Variants in PEX11G observed in about 807,000 individuals in gnomAD.
The protein encoded by PEX11G is peroxisomal biogenesis factor 11 gamma.
In PEX11G, 20 loss-of-function variants were observed where a neutral mutation model predicts 22.5. The ratio of observed to expected loss-of-function variants is 0.89; its 90% CI spans 0.62 to 1.29. The LOEUF (loss-of-function observed/expected upper bound fraction) is 1.29, where lower values mean the gene tolerates loss of function less well. Among genes scored for constraint, PEX11G ranks in the 50% most tolerant of loss-of-function variants. The pLI is 0.00. For missense variants in PEX11G, 347 were observed against 331.3 expected (o/e 1.05, Z -0.37); for synonymous variants, 141 against 154.5 (o/e 0.91, Z 0.65).
At chr19:7,490,541 G>A (rs189762427), upstream of PEX11G, among the ~76,000 whole-genome samples, 24 of 138,802 alleles carry the variant, frequency 1.7e-4, no homozygotes, top group Admixed American at 1.5e-3. Context: ...GGGTTTCACC[G>A]TGTTAGCCAG....
chr19:7,483,788 AAC>A (rs1343565808), intron 2 of PEX11G, among the ~76,000 whole-genome samples: 1 of 151,918 alleles, frequency 6.6e-6, no homozygotes, highest in African/African-American at 2.4e-5. Flanking sequence ...GGACAGAGAG[AAC>A]AGACAGGGCA....
intron 2 of PEX11G, 93 bp downstream of exon 2, chr19:7,485,745 A>C: frequency 3.4e-6 from 4 of 1,181,956 alleles, no homozygotes; most frequent in Non-Finnish European, 4.7e-6. Context: ...CTGGGATTAC[A>C]AGCATGAGCC....
In PEX11G at chr19:7,486,015, C is replaced by A. The variant is rs2021636439; in HGVS notation, c.72G>T (p.Leu24=). The A allele has an allele frequency of 4.4e-6, 7 of 1,590,904 alleles. No homozygotes were observed. Among genetic ancestry groups the A allele is most frequent in the African/African-American group, 2.7e-5 (2 of 74,602 alleles). ...YRGRDRLIRV[L]GYCCQLVGGV... ...CACCAACCAGCTGGCAGCAGTACCCCAGCACTCGGATCTGTGGGAAACCAG... is the reference window on the plus strand; with the variant it reads ...CACCAACCAGCTGGCAGCAGTACCCAAGCACTCGGATCTGTGGGAAACCAG... Residue 24 remains leucine, a synonymous_variant, in exon 2 of 5, where the codon CTG becomes CTT. Coordinates refer to ENST00000221480, the MANE Select transcript of PEX11G (RefSeq NM_080662.4).
At chr19:7,486,124 G>T in intron 1 of PEX11G, 98 bp from the exon 2 acceptor site, 1 of 1,047,668 alleles carries the variant, frequency 9.5e-7, no homozygotes, top group Non-Finnish European at 1.3e-6. Context: ...GATTGAGAGT[G>T]TGGAAGATTC....
At chr19:7,490,181 G>A (rs894117433), upstream of PEX11G, among the ~76,000 whole-genome samples, 1 of 151,356 alleles carries the variant, frequency 6.6e-6, no homozygotes, top group African/African-American at 2.4e-5. Flanking sequence ...CCTTCGTCTT[G>A]TCACTTCTCC....
intron 3 of PEX11G, among the ~76,000 whole-genome samples, chr19:7,481,749 C>T (rs914415564): frequency 6.6e-6 from 1 of 152,210 alleles, no homozygotes; most frequent in Admixed American, 6.5e-5. Context: ...GCATCAGCGC[C>T]TGCTGACACT....
At chr19:7,480,585 G>A in intron 3 of PEX11G, among the ~76,000 whole-genome samples, 1 of 152,220 alleles carries the variant, frequency 6.6e-6, no homozygotes, top group East Asian at 1.9e-4. Context: ...TGGGAGTCTG[G>A]GTTGGATTGT....
At chr19:7,485,790 C>A (rs2021618652) in intron 2 of PEX11G, 48 bp downstream of exon 2, 1 of 1,466,208 alleles carries the variant, frequency 6.8e-7, no homozygotes, top group South Asian at 1.4e-5. Flanking sequence ...TAAAAAATGT[C>A]CACTCAGGTC....
Position 7,477,315 on chromosome 19 carries a change from A to G in PEX11G, c.613T>C (p.Trp205Arg). Residue 205 changes from tryptophan (W) to arginine (R), a missense_variant, in exon 5 of 5, where the codon TGG (tryptophan) becomes CGG (arginine). Trp to Arg is a moderately radical substitution (Grantham distance 101, BLOSUM62 -3). Coordinates refer to ENST00000221480, the MANE Select transcript of PEX11G (RefSeq NM_080662.4). ...AVHWLPRGVL[W>R]AGRFPPWLVG... ...AGCCACGGCGGGAAGCGGCCGGCCC[A>G]CAGCACGCCCCGGGGCAGCCAGTGC... The G allele has an allele frequency of 6.4e-7, 1 of 1,561,332 alleles. No individual in the cohort carries two copies.
upstream of PEX11G, among the ~76,000 whole-genome samples, chr19:7,493,553 G>A (rs1385002339): frequency 6.6e-6 from 1 of 151,968 alleles, no homozygotes; most frequent in Non-Finnish European, 1.5e-5. Flanking sequence ...TGCCCAGGCT[G>A]GAGTGCAGTG....
At chr19:7,487,387 A>G (rs1242281858) in intron 1 of PEX11G, among the ~76,000 whole-genome samples, 1 of 152,220 alleles carries the variant, frequency 6.6e-6, no homozygotes, top group Admixed American at 6.5e-5. Flanking sequence ...CCTACTCAGT[A>G]GGTGATGTGG....
At chr19:7,486,287 C>T (rs2021654055) in intron 1 of PEX11G, among the ~76,000 whole-genome samples, 1 of 152,046 alleles carries the variant, frequency 6.6e-6, no homozygotes, top group Admixed American at 6.6e-5. Context: ...CCACCACACC[C>T]TGCTAATTTT....
chr19:7,477,296 G>T lies in PEX11G; in HGVS notation c.632C>A (p.Pro211Gln). The change falls in exon 5 of 5, where the codon CCG becomes CAG. Residue 211 changes from proline (P) to glutamine (Q), a missense_variant. Physicochemically the swap from Pro to Gln is moderately conservative, Grantham distance 76 (BLOSUM62 -1). Transcript: ENST00000221480. ...RGVLWAGRFPPWLVGLMGTIS... is the reference protein window; with the variant it reads ...RGVLWAGRFPQWLVGLMGTIS... ...GGTGCCCATGAGGCCCACTAGCCACGGCGGGAAGCGGCCGGCCCACAGCAC... is the reference window on the plus strand; with the variant it reads ...GGTGCCCATGAGGCCCACTAGCCACTGCGGGAAGCGGCCGGCCCACAGCAC... 16 of 1,572,076 alleles carry T rather than the reference G, an allele frequency of 1.0e-5. No homozygotes were observed. The highest frequency in any genetic ancestry group is 1.4e-5 in the Non-Finnish European group (16 of 1,160,120).
Position 7,477,401 on chromosome 19 carries a change from G to C in PEX11G, c.527C>G (p.Ala176Gly), listed in dbSNP as rs747422959. 6.6e-7 allele frequency: 1 copy of C among 1,509,966 alleles called. No individual in the cohort carries two copies. The highest frequency in any genetic ancestry group is 1.4e-5 in the African/African-American group (1 of 71,010). 93.5% of individuals were successfully genotyped at this position (1,509,966 alleles called of 1,614,324 possible). The stretch of plus-strand genomic sequence containing the variant: ...TGACAGCGCCTCCGACTGCATCTGC[G>C]CCTCCATGGCCCTCCGCTTGCCCCG... ...LPRGKRRAME[A>G]QMQSEALSLL... The change falls in exon 5 of 5, where the codon GCG (alanine) becomes GGG (glycine). Residue 176 changes from alanine (A) to glycine (G), a missense_variant. Coordinates refer to ENST00000221480, the MANE Select transcript of PEX11G (RefSeq NM_080662.4).
intron 1 of PEX11G, 75 bp downstream of exon 1, chr19:7,488,876 T>C (rs2021785197): frequency 2.0e-6 from 3 of 1,484,688 alleles, no homozygotes; most frequent in Non-Finnish European, 2.7e-6. Flanking sequence ...CCCCGTCCCC[T>C]CTCTGGCCCG....
chr19:7,483,044 G>A (rs1211340831), intron 2 of PEX11G, among the ~76,000 whole-genome samples: 1 of 152,194 alleles, frequency 6.6e-6, no homozygotes, highest in Admixed American at 6.5e-5. Flanking sequence ...CTGGAGCCCC[G>A]CAGCCAACCG....
chr19:7,479,837 A>G (rs557830152), intron 3 of PEX11G, among the ~76,000 whole-genome samples: 8 of 152,302 alleles, frequency 5.3e-5, no homozygotes, highest in Non-Finnish European at 1.2e-4. Flanking sequence ...TGATGGATCC[A>G]TGGAGGGGCA....
At chr19:7,487,156 T>C (rs1002973817) in intron 1 of PEX11G, among the ~76,000 whole-genome samples, 3 of 152,262 alleles carry the variant, frequency 2.0e-5, no homozygotes, top group South Asian at 4.1e-4. Flanking sequence ...GCACAGCCTT[T>C]GGGAACAGAT....
chr19:7,481,000 G>T (rs1977464672), intron 3 of PEX11G, among the ~76,000 whole-genome samples: 1 of 152,174 alleles, frequency 6.6e-6, no homozygotes, highest in South Asian at 2.1e-4. Flanking sequence ...TCTCTGGGGT[G>T]TCGGCTGACA....
Sources: allele counts gnomAD v4.1 joint callset (sites outside exome capture counted in the v4.1 genomes callset), GRCh38; gene constraint gnomAD v4.1.1; transcripts MANE v1.5; gene names NCBI Gene and HGNC (gene_info 2026-07-23, HGNC 2026-07-21).